PLCB1: variants seen among roughly 807,000 people sequenced by gnomAD.
The protein encoded by PLCB1 is phospholipase C beta 1.
Under a neutral mutation model 161.8 loss-of-function variants are expected in PLCB1, and 46 were observed. The observed-to-expected ratio is 0.28, with a 90% CI of 0.22 to 0.36. The LOEUF is 0.36. Among genes scored for constraint, PLCB1 ranks in the 10% least tolerant of loss-of-function variants. The pLI is 1.00. For missense variants in PLCB1, 1,016 were observed against 1,472.5 expected, an observed-to-expected ratio of 0.69 and a Z score of 5.07; for synonymous variants, 517 against 503.7, an observed-to-expected ratio of 1.03 and a Z score of -0.35.
Position 8,757,109 on chromosome 20 carries a change from G to A in PLCB1, c.2587G>A (p.Gly863Arg), listed in dbSNP as rs751858663. The A allele has an allele frequency of 6.2e-7, 1 of 1,613,434 alleles. No individual in the cohort carries two copies. The highest frequency in any genetic ancestry group is 8.5e-7 in the Non-Finnish European group (1 of 1,179,528). Residue 863 changes from glycine to arginine, a missense_variant, in exon 24 of 32, where the codon GGG (glycine) becomes AGG (arginine). By Grantham distance (125) the Gly-to-Arg change is moderately radical. Transcript: ENST00000338037. The part of the protein sequence containing the change: ...SEARTTPAEN[G>R]VNHTTTLTPK... ...AGCGAGAACGACTCCAGCAGAAAATGGGGTGAATCACACTACAACCCTGAC... is the reference window on the plus strand; with the variant it reads ...AGCGAGAACGACTCCAGCAGAAAATAGGGTGAATCACACTACAACCCTGAC...
At chr20:8,234,853 A>G (rs1434779794) in intron 2 of PLCB1, among the ~76,000 whole-genome samples, 1 of 152,082 alleles carries the variant, frequency 6.6e-6, no homozygotes, top group Non-Finnish European at 1.5e-5. Flanking sequence ...TTTTGCCATG[A>G]TGCTAACTGT....
chr20:8,315,285 C>T (rs1984592183), intron 2 of PLCB1, among the ~76,000 whole-genome samples: 1 of 152,058 alleles, frequency 6.6e-6, no homozygotes, highest in Non-Finnish European at 1.5e-5. Context: ...ATAAGTGAGC[C>T]ACCAAAAAAG....
At chr20:8,455,553 G>GC (rs1981276905) in intron 3 of PLCB1, among the ~76,000 whole-genome samples, 1 of 143,294 alleles carries the variant, frequency 7.0e-6, no homozygotes, top group African/African-American at 2.6e-5. Flanking sequence ...CCATTCTCCT[G>GC]CCTCAGCCTC....
intron 3 of PLCB1, among the ~76,000 whole-genome samples, chr20:8,424,963 T>G (rs1037189294): frequency 6.6e-6 from 1 of 152,096 alleles, no homozygotes; most frequent in Non-Finnish European, 1.5e-5. Flanking sequence ...AAGTTTCCCA[T>G]TGGCCACTTC....
At chr20:8,692,274 A>C (rs1424525290) in intron 10 of PLCB1, among the ~76,000 whole-genome samples, 1 of 152,138 alleles carries the variant, frequency 6.6e-6, no homozygotes, top group Non-Finnish European at 1.5e-5. Context: ...CTTCCCAGTC[A>C]TCTGCTACAA....
At chr20:8,843,523 AC>A (rs1352645714) in intron 31 of PLCB1, among the ~76,000 whole-genome samples, 1 of 151,574 alleles carries the variant, frequency 6.6e-6, no homozygotes, top group Admixed American at 6.6e-5. Flanking sequence ...GACACTCACA[AC>A]CCCCATCATA....
At chr20:8,539,927 G>T (rs1985240311) in intron 3 of PLCB1, among the ~76,000 whole-genome samples, 1 of 152,002 alleles carries the variant, frequency 6.6e-6, no homozygotes, top group Non-Finnish European at 1.5e-5. Context: ...GGCTTTCTAT[G>T]TCTTAGCAAC....
intron 31 of PLCB1, among the ~76,000 whole-genome samples, chr20:8,815,387 T>G (rs1985038558): frequency 6.6e-6 from 1 of 152,188 alleles, no homozygotes; most frequent in Non-Finnish European, 1.5e-5. Flanking sequence ...GCTCTGCTAT[T>G]TTTATTACTC....
intron 31 of PLCB1, among the ~76,000 whole-genome samples, chr20:8,842,695 ATGAT>A (rs1276728955): frequency 2.0e-5 from 3 of 152,166 alleles, no homozygotes; most frequent in African/African-American, 7.2e-5. Flanking sequence ...TGAAAGGGTC[ATGAT>A]TGATTGAGCA....
chr20:8,604,082 GTC>G (rs1185920685), intron 3 of PLCB1, among the ~76,000 whole-genome samples: 2 of 151,920 alleles, frequency 1.3e-5, no homozygotes, highest in Non-Finnish European at 2.9e-5. Flanking sequence ...GCGAAACTCT[GTC>G]TCTATTGAAA....
In PLCB1 at chr20:8,744,126, A is replaced by C. The variant is rs1437519121; in HGVS notation, c.2523+2553A>C. Among the ~76,000 whole-genome samples, 13 of 152,244 alleles carry C rather than the reference A, an allele frequency of 8.5e-5. No homozygotes were observed. The South Asian group carries it at 2.7e-3, about 32-fold the overall frequency. On this transcript the variant is annotated intron_variant, in intron 23 of 31. Transcript: ENST00000338037. ...AATACCAAACCCCTATGACACACCT[A>C]TATGACAAACCCTCATGTGTACCCC...
intron 2 of PLCB1, among the ~76,000 whole-genome samples, chr20:8,279,253 A>G (rs746430499): frequency 1.3e-5 from 2 of 152,182 alleles, no homozygotes; most frequent in African/African-American, 4.8e-5. Flanking sequence ...GGAAACTCAA[A>G]TGTCCATCCC....
chr20:8,392,563 G>A (rs1173163090), intron 3 of PLCB1, among the ~76,000 whole-genome samples: 1 of 152,128 alleles, frequency 6.6e-6, no homozygotes, highest in Non-Finnish European at 1.5e-5. Context: ...AGACAAGCAG[G>A]ATGATCCCTG....
At chr20:8,534,033 A>C (rs1010461941) in intron 3 of PLCB1, among the ~76,000 whole-genome samples, 2 of 152,132 alleles carry the variant, frequency 1.3e-5, no homozygotes, top group African/African-American at 4.8e-5. Context: ...TCTTGAATTA[A>C]TTTTTGTATA....
chr20:8,371,699 A>G (rs1474377240), intron 3 of PLCB1: 6 of 382,200 alleles, frequency 1.6e-5, no homozygotes, highest in Non-Finnish European at 2.3e-5. Flanking sequence ...AAAGACAACG[A>G]CAACAATGCC....
intron 3 of PLCB1, among the ~76,000 whole-genome samples, chr20:8,375,370 G>A (rs1399605172): frequency 1.3e-5 from 2 of 152,032 alleles, no homozygotes; most frequent in Non-Finnish European, 2.9e-5. Flanking sequence ...TTATCACTGC[G>A]GCCTCTGATC....
chr20:8,758,749 T>C (rs1335909994), intron 24 of PLCB1, among the ~76,000 whole-genome samples: 1 of 152,228 alleles, frequency 6.6e-6, no homozygotes, highest in Non-Finnish European at 1.5e-5. Context: ...CATGTGTTCC[T>C]GAAAGTAAAA....
chr20:8,290,429 A>T (rs1983334932), intron 2 of PLCB1, among the ~76,000 whole-genome samples: 2 of 152,142 alleles, frequency 1.3e-5, no homozygotes, highest in African/African-American at 4.8e-5. Flanking sequence ...CAATCTATGG[A>T]GTTGTCTAGG....
chr20:8,881,939 T>C lies in PLCB1; in HGVS notation c.*90T>C. On this transcript the variant is annotated 3_prime_UTR_variant, in exon 32 of 32. Transcript: ENST00000338037. ...CAAAGATCACTGCCCAGGACCATCTTCCCGAGAAGCATCCCTTAGCCTAAA... is the reference window on the plus strand; with the variant it reads ...CAAAGATCACTGCCCAGGACCATCTCCCCGAGAAGCATCCCTTAGCCTAAA... 1.2e-6 allele frequency: 1 copy of C among 842,568 alleles called. No individual in the cohort carries two copies. The highest frequency in any genetic ancestry group is 1.6e-5 in the South Asian group (1 of 61,782). The allele number at this position is 842,568 out of a possible 1,614,324, so 52.2% of individuals were successfully genotyped here.
Sources: gnomAD v4.1 joint callset for allele counts (sites outside exome capture counted in the v4.1 genomes callset) on GRCh38, gnomAD v4.1.1 for gene constraint, MANE v1.5 for transcripts, NCBI Gene and HGNC (gene_info 2026-07-23, HGNC 2026-07-21) for gene names.